Variants in IHH observed in about 807,000 individuals in gnomAD.
IHH encodes the protein Indian hedgehog signaling molecule, also known as indian hedgehog protein.
Under a neutral mutation model 29.4 loss-of-function variants are expected in IHH, and 9 were observed. That is an observed-to-expected ratio of 0.31 (90% CI 0.18 to 0.53). IHH has a LOEUF of 0.53. Among genes scored for constraint, IHH ranks in the 20% least tolerant of loss-of-function variants. The pLI is 0.95. For missense variants in IHH, 454 were observed against 578.1 expected (o/e 0.79, Z 2.20); for synonymous variants, 254 against 252.7 (o/e 1.01, Z -0.05).
chr2:219,058,596 G>C (rs1332233766), intron 1 of IHH: 2 of 154,320 alleles, frequency 1.3e-5, no homozygotes, highest in African/African-American at 4.8e-5. Context: ...GTAGAGCCGC[G>C]CCCTGGGGGA....
chr2:219,055,555 G>A lies in IHH; in HGVS notation c.888C>T (p.Ser296=), dbSNP rs1228390953. Residue 296 remains serine, a synonymous_variant, in exon 3 of 3, where the codon AGC becomes AGT. Coordinates refer to ENST00000295731, the MANE Select transcript of IHH (RefSeq NM_002181.4). ...GCACGTACTGGCCAGGCTGCACGTG[G>A]CTGGCAAATGTGGCCCGGAAGCGGG... ...PAARFRATFA[S]HVQPGQYVLV... is the part of the protein sequence containing the mutation. 1 of 1,612,800 alleles carries A rather than the reference G, an allele frequency of 6.2e-7. No homozygotes were observed. The highest frequency in any genetic ancestry group is 8.5e-7 in the Non-Finnish European group (1 of 1,179,826).
rs3731878 is a variant in IHH at position 219,055,843 on chromosome 2, C to A, written c.600G>T (p.Thr200=). 3 of 1,609,792 alleles carry A rather than the reference C, an allele frequency of 1.9e-6. No homozygotes were observed. In the African/African-American group the frequency reaches 4.0e-5, roughly 21 times the overall value. Residue 200 remains threonine (T), a synonymous_variant, in exon 3 of 3, where the codon ACG becomes ACT. Coordinates refer to ENST00000295731, the MANE Select transcript of IHH (RefSeq NM_002181.4). The part of the protein sequence containing the change: ...VKSEHSAAAK[T]GGCFPAGAQV... ...GGGCTCCGGCAGGGAAGCAGCCGCC[C>A]GTCTTGGCTGCGGCCGAGTGCTCTG... is the stretch of plus-strand genomic sequence containing the variant.
rs376997442 is a variant in IHH, at chr2:219,055,768, C to A, written c.675G>T (p.Pro225=). ...CCCCCATGGCCAGCACACGGTCTCCCGGCCTCACGGCTGACAAGGCCACAC... is the reference window on the plus strand; with the variant it reads ...CCCCCATGGCCAGCACACGGTCTCCAGGCCTCACGGCTGACAAGGCCACAC... ...GARVALSAVR[P]GDRVLAMGED... The change falls in exon 3 of 3, where the codon CCG becomes CCT. Residue 225 remains proline, a synonymous_variant. Transcript: ENST00000295731. The A allele has an allele frequency of 8.5e-5, 137 of 1,613,496 alleles. No individual in the cohort carries two copies. Among genetic ancestry groups the A allele is most frequent in the East Asian group, 1.3e-4 (6 of 44,898 alleles).
At chr2:219,057,760 G>GGT in intron 1 of IHH, 66 bp from the exon 2 acceptor site, 1 of 1,584,334 alleles carries the variant, frequency 6.3e-7, no homozygotes. Flanking sequence ...CCGAGGTGCA[G>GGT]GTGTAGGCGC....
intron 2 of IHH, 69 bp from the exon 3 acceptor site, chr2:219,055,934 C>T: frequency 8.6e-6 from 13 of 1,517,170 alleles, no homozygotes; most frequent in South Asian, 3.6e-5. Flanking sequence ...ACGACCCTCC[C>T]TTGGCCACCC....
intron 2 of IHH, among the ~76,000 whole-genome samples, chr2:219,057,054 C>T (rs954737730): frequency 6.6e-6 from 1 of 152,106 alleles, no homozygotes; most frequent in Non-Finnish European, 1.5e-5. Context: ...GGGCATACCC[C>T]GGCTCCTGGC....
Position 219,054,959 on chromosome 2 carries a change from G to T in IHH, c.*248C>A, listed in dbSNP as rs79195401. 388 of 555,318 alleles carry T rather than the reference G, an allele frequency of 7.0e-4. No homozygotes were observed. The highest frequency in any genetic ancestry group is 6.4e-3 in the African/African-American group (342 of 53,064). 34.4% of individuals were successfully genotyped at this position (555,318 alleles called of 1,614,324 possible). On this transcript the variant is annotated 3_prime_UTR_variant, in exon 3 of 3. Coordinates refer to ENST00000295731, the MANE Select transcript of IHH (RefSeq NM_002181.4). ...TGGGAGTCGCCGTGCCAGCCTCAAG[G>T]TCTCTAGGAGAGAGGGGTCAACAAC... is the stretch of plus-strand genomic sequence containing the variant.
rs1295318863 is a variant in IHH, at chr2:219,055,567, G to A, written c.876C>T (p.Ala292=). The A allele has an allele frequency of 5.6e-6, 9 of 1,612,900 alleles. No homozygotes were observed. The highest frequency in any genetic ancestry group is 1.7e-5 in the Admixed American group (1 of 59,988). ...CAGGCTGCACGTGGCTGGCAAATGT[G>A]GCCCGGAAGCGGGCTGCCGGCTCCG... The part of the protein sequence containing the change: ...NHTEPAARFR[A]TFASHVQPGQ... Residue 292 remains alanine, a synonymous_variant, in exon 3 of 3, where the codon GCC becomes GCT. Coordinates refer to ENST00000295731, the MANE Select transcript of IHH (RefSeq NM_002181.4).
rs752375465 is a variant in IHH, at chr2:219,060,223, G to A, written c.245C>T (p.Thr82Ile). 35 of 1,613,540 alleles carry A rather than the reference G, an allele frequency of 2.2e-5. 1 individual carries two copies. The highest frequency in any genetic ancestry group is 4.4e-5 in the South Asian group (4 of 91,092). ...GATGATGTCTGGATTGTAATTGGGG[G>A]TGAGCTCCTTGAAGCGCTCGGAGCT... ...ARSSERFKEL[T>I]PNYNPDIIFK... Residue 82 changes from threonine to isoleucine, a missense_variant, in exon 1 of 3, where the codon ACC becomes ATC. Physicochemically the swap from Thr to Ile is moderately conservative, Grantham distance 89. Around this residue, in one of 3 missense-constraint regions of IHH, gnomAD observed 113 missense variants for 122.1 expected, o/e 0.93. Coordinates refer to ENST00000295731, the MANE Select transcript of IHH (RefSeq NM_002181.4). This position sits in a 1 kb window ranked among gnomAD's most constrained non-coding sequence, Gnocchi z 8.8.
At chr2:219,057,372 A>T in intron 2 of IHH, 61 bp downstream of exon 2, 1 of 1,539,634 alleles carries the variant, frequency 6.5e-7, no homozygotes, top group Non-Finnish European at 8.8e-7. Context: ...TCTCGGCACT[A>T]CTCCTCCTGC....
At chr2:219,057,286 G>T in intron 2 of IHH, 147 bp downstream of exon 2, 2 of 903,956 alleles carry the variant, frequency 2.2e-6, no homozygotes, top group Non-Finnish European at 3.4e-6. Context: ...TCACGGTCAG[G>T]AGCAGCCTTG....
Position 219,060,168 on chromosome 2 carries a change from G to A in IHH, c.300C>T (p.Asp100=). 3 of 1,610,602 alleles carry A rather than the reference G, an allele frequency of 1.9e-6. No homozygotes were observed. The highest frequency in any genetic ancestry group is 2.5e-6 in the Non-Finnish European group (3 of 1,178,262). The change falls in exon 1 of 3, where the codon GAC becomes GAT. Residue 100 remains aspartate (D), a synonymous_variant. Coordinates refer to ENST00000295731, the MANE Select transcript of IHH (RefSeq NM_002181.4). The surrounding 1 kb of genome is among the most constrained non-coding windows in gnomAD (Gnocchi z 8.8). ...IFKDEENTGA[D]RLMTQRCKDR... is the part of the protein sequence containing the mutation. ...TCGCGCTCACCTGGGTCATGAGGCGGTCGGCGCCTGTGTTCTCCTCGTCCT... is the reference window on the plus strand; with the variant it reads ...TCGCGCTCACCTGGGTCATGAGGCGATCGGCGCCTGTGTTCTCCTCGTCCT...
rs2106309854 is a variant in IHH at position 219,059,343 on chromosome 2, C to T, written c.315+810G>A. Among the ~76,000 whole-genome samples, 2 of 152,318 alleles carry T rather than the reference C, an allele frequency of 1.3e-5. No homozygotes were observed. Among genetic ancestry groups the T allele is most frequent in the Middle Eastern group, 6.8e-3 (2 of 294 alleles). On this transcript the variant is annotated intron_variant, in intron 1 of 2. Transcript: ENST00000295731. This position sits in a 1 kb window ranked among gnomAD's most constrained non-coding sequence, Gnocchi z 4.7. ...GACCTGGCTGCTGGGAAGGAATTTG[C>T]GCCTCTAAGCTTGGGTGGAGCGCGG...
chr2:219,055,697 C>A lies in IHH; in HGVS notation c.746G>T (p.Arg249Leu). ...TFSDVLIFLD[R>L]EPHRLRAFQV... The stretch of plus-strand genomic sequence containing the variant: ...GAAGGCTCTCAGCCTGTGAGGCTCG[C>A]GGTCCAGGAAAATGAGCACATCGCT... The change falls in exon 3 of 3, where the codon CGC (arginine) becomes CTC (leucine). Residue 249 changes from arginine to leucine, a missense_variant. By Grantham distance (102) the Arg-to-Leu change is moderately radical. Around this residue, in one of 3 missense-constraint regions of IHH, gnomAD observed 271 missense variants for 315.9 expected, o/e 0.86. Transcript: ENST00000295731. 1.2e-6 allele frequency: 2 copies of A among 1,613,770 alleles called. No homozygotes were observed. Among genetic ancestry groups the A allele is most frequent in the Non-Finnish European group, 1.7e-6 (2 of 1,179,834 alleles).
In IHH at chr2:219,059,884, T is replaced by C. The variant is rs924501993; in HGVS notation, c.315+269A>G. Among the ~76,000 whole-genome samples the C allele has an allele frequency of 1.3e-5, 2 of 152,060 alleles. No homozygotes were observed. Among genetic ancestry groups the C allele is most frequent in the Admixed American group, 1.3e-4 (2 of 15,262 alleles). ...GCGTCTGGCTGAGCTGCCAGTACTTTGGGGCAGAGGAGCCGCCGCCAACCT... is the reference window on the plus strand; with the variant it reads ...GCGTCTGGCTGAGCTGCCAGTACTTCGGGGCAGAGGAGCCGCCGCCAACCT... On this transcript the variant is annotated intron_variant, in intron 1 of 2. Transcript: ENST00000295731. This position sits in a 1 kb window ranked among gnomAD's most constrained non-coding sequence, Gnocchi z 4.7.
intron 1 of IHH, among the ~76,000 whole-genome samples, chr2:219,058,504 C>T (rs1574688105): frequency 6.6e-6 from 1 of 152,218 alleles, no homozygotes; most frequent in Admixed American, 6.5e-5. Flanking sequence ...TGCCCCGCCC[C>T]TATACCGTAG....
At position 219,055,380 on chromosome 2, in the gene IHH, G is replaced by A; in HGVS notation, c.1063C>T (p.His355Tyr). Residue 355 changes from histidine to tyrosine, a missense_variant, in exon 3 of 3, where the codon CAC becomes TAC. Around this residue, in one of 3 missense-constraint regions of IHH, gnomAD observed 271 missense variants for 315.9 expected, o/e 0.86. Coordinates refer to ENST00000295731, the MANE Select transcript of IHH (RefSeq NM_002181.4). ...ASCFAAVADH[H>Y]LAQLAFWPLR... is the part of the protein sequence containing the mutation. ...GGCCAGAAGGCCAACTGAGCCAGGT[G>A]GTGGTCAGCCACGGCCGCGAAGCAG... 1.2e-6 allele frequency: 2 copies of A among 1,613,136 alleles called. No homozygotes were observed. The highest frequency in any genetic ancestry group is 2.7e-5 in the African/African-American group (2 of 74,948).
chr2:219,058,554 C>G (rs1271169382), intron 1 of IHH: 1 of 153,208 alleles, frequency 6.5e-6, no homozygotes, highest in Non-Finnish European at 1.5e-5. Context: ...CTCAGGGAGC[C>G]AGCTCCACCA....
chr2:219,058,320 G>A (rs1455780122), intron 1 of IHH, among the ~76,000 whole-genome samples: 2 of 152,196 alleles, frequency 1.3e-5, no homozygotes, highest in South Asian at 2.1e-4. Flanking sequence ...TTCCCGCCGG[G>A]ACCCTCTTAT....
Sources: gnomAD v4.1 joint callset for allele counts (sites outside exome capture counted in the v4.1 genomes callset) on GRCh38, gnomAD v4.1.1 for gene constraint, gnomAD v4.1.1 regional missense constraint, Gnocchi (gnomAD v3.1) non-coding constraint, MANE v1.5 for transcripts, NCBI Gene and HGNC (gene_info 2026-07-23, HGNC 2026-07-21) for gene names.